Variants in GPR132 observed in about 807,000 individuals in gnomAD.
GPR132 encodes the protein G protein-coupled receptor 132.
GPR132 carries 4 observed loss-of-function variants against 1.9 expected under a neutral mutation model. The observed-to-expected ratio is 2.13, with a 90% CI of 1.05 to 4.87. The LOEUF (loss-of-function observed/expected upper bound fraction) is 4.87, where lower values mean the gene tolerates loss of function less well. Among genes scored for constraint, GPR132 ranks in the 30% most tolerant of loss-of-function variants. The pLI, the probability that GPR132 is intolerant of heterozygous loss-of-function variation, is 0.01. For synonymous variants in GPR132, 233 were observed against 234.2 expected (o/e 0.99, Z 0.05); for missense variants, 404 against 512.5 (o/e 0.79, Z 2.04).
chr14:105,054,934 G>A (rs1886748524), intron 3 of GPR132, among the ~76,000 whole-genome samples: 1 of 150,804 alleles, frequency 6.6e-6, no homozygotes, highest in Non-Finnish European at 1.5e-5. Flanking sequence ...CAGCTACTTG[G>A]GAGGCTGAGG....
intron 3 of GPR132, among the ~76,000 whole-genome samples, chr14:105,054,792 C>A (rs1886743735): frequency 6.6e-6 from 1 of 150,440 alleles, no homozygotes; most frequent in Non-Finnish European, 1.5e-5. Context: ...GTAATCCCAG[C>A]ACTTTGGGAG....
chr14:105,064,481 G>A (rs1394148428), intron 1 of GPR132, among the ~76,000 whole-genome samples: 3 of 152,124 alleles, frequency 2.0e-5, no homozygotes, highest in Non-Finnish European at 4.4e-5. Flanking sequence ...TTACAGACGT[G>A]TGCCAACACG....
intron 3 of GPR132, chr14:105,054,018 C>A (rs779261699): frequency 3.9e-6 from 5 of 1,285,438 alleles, no homozygotes; most frequent in Non-Finnish European, 5.1e-6. Context: ...AGTGGTGTGA[C>A]TTCCCCAAGC....
chr14:105,057,480 G>A (rs7147669), intron 1 of GPR132, 200 bp from the exon 2 acceptor site: 182,845 of 304,412 alleles, frequency 0.6, 60,761 homozygotes, highest in Non-Finnish European at 0.71. Context: ...GCATCAAAAC[G>A]TCACATTAGC....
In GPR132 at chr14:105,057,241, C is replaced by T. The variant is rs903251345; in HGVS notation, c.-821G>A. ...TCTAAGTACATGTCATGCGTCTTGT[C>T]GGTCCTATCAAGACGTTCACTCTGA... On this transcript the variant is annotated 5_prime_UTR_variant, in exon 2 of 4. Coordinates refer to ENST00000329797, the MANE Select transcript of GPR132 (RefSeq NM_013345.4). The T allele has an allele frequency of 2.9e-5, 34 of 1,160,998 alleles. 2 individuals are homozygous for T. Among genetic ancestry groups the T allele is most frequent in the Middle Eastern group, 3.8e-4 (2 of 5,280 alleles). The allele number at this position is 1,160,998 out of a possible 1,614,324, so 71.9% of individuals were successfully genotyped here. A position where few individuals can be genotyped will look rare whatever the true frequency, so the allele number is the denominator to read the frequency against.
chr14:105,062,648 C>A (rs1419077691), intron 1 of GPR132, among the ~76,000 whole-genome samples: 1 of 147,812 alleles, frequency 6.8e-6, no homozygotes, highest in Non-Finnish European at 1.5e-5. Context: ...TCAAGCAATT[C>A]TCCTGCCTCA....
At chr14:105,061,687 A>G (rs1886946862) in intron 1 of GPR132, among the ~76,000 whole-genome samples, 1 of 152,104 alleles carries the variant, frequency 6.6e-6, no homozygotes, top group Non-Finnish European at 1.5e-5. Flanking sequence ...TGGAAGGACA[A>G]GGCCAGGCAG....
chr14:105,058,749 G>A (rs1886865474), intron 1 of GPR132, among the ~76,000 whole-genome samples: 1 of 152,244 alleles, frequency 6.6e-6, no homozygotes, highest in Non-Finnish European at 1.5e-5. Context: ...GGCAGCAGAT[G>A]GCTCAGGGCA....
rs757410270 is a variant in GPR132 at position 105,055,442 on chromosome 14, G to A, written c.-22C>T. On this transcript the variant is annotated 5_prime_UTR_variant, in exon 3 of 4. Transcript: ENST00000329797. This position sits in a 1 kb window ranked among gnomAD's most constrained non-coding sequence, Gnocchi z 4.7. ...ACATTCACATTCTTCTGCAACCATC[G>A]CCAGCATCCGTCGGCAGAACCTTCT... 7.7e-5 allele frequency: 60 copies of A among 780,046 alleles called. No individual in the cohort carries two copies. Among genetic ancestry groups the A allele is most frequent in the South Asian group, 6.8e-4 (51 of 74,596 alleles). 48.3% of individuals were successfully genotyped at this position (780,046 alleles called of 1,614,324 possible).
Position 105,052,065 on chromosome 14 carries a change from G to A in GPR132, c.72C>T (p.Ala24=). Residue 24 remains alanine (A), a synonymous_variant, in exon 4 of 4, where the codon GCC becomes GCT. Transcript: ENST00000329797. ...AGGTCTTGGCGGAGAGGCCCAGGGAGGCCCACGGGGCAGTGGTGGTCACTG... is the reference window on the plus strand; with the variant it reads ...AGGTCTTGGCGGAGAGGCCCAGGGAAGCCCACGGGGCAGTGGTGGTCACTG... ...ATPVTTTAPW[A]SLGLSAKTCN... is the part of the protein sequence containing the mutation. 1 of 1,596,922 alleles carries A rather than the reference G, an allele frequency of 6.3e-7. No individual in the cohort carries two copies. The highest frequency in any genetic ancestry group is 8.5e-7 in the Non-Finnish European group (1 of 1,175,512).
At chr14:105,052,203 C>G in intron 3 of GPR132, 101 bp from the exon 4 acceptor site, 1 of 933,990 alleles carries the variant, frequency 1.1e-6, no homozygotes, top group Non-Finnish European at 1.6e-6. Flanking sequence ...GTAGCTCAGA[C>G]TAGACACACG....
At chr14:105,058,374 G>A (rs2140933663) in intron 1 of GPR132, among the ~76,000 whole-genome samples, 1 of 152,182 alleles carries the variant, frequency 6.6e-6, no homozygotes, top group South Asian at 2.1e-4. Context: ...AAAAAGAAAA[G>A]CTCCTAAAAT....
Position 105,051,826 on chromosome 14 carries a change from T to C in GPR132, c.311A>G (p.Asn104Ser), listed in dbSNP as rs937082118. Residue 104 changes from asparagine (N) to serine (S), a missense_variant, in exon 4 of 4, where the codon AAC (asparagine) becomes AGC (serine). Coordinates refer to ENST00000329797, the MANE Select transcript of GPR132 (RefSeq NM_013345.4). This position sits in a 1 kb window ranked among gnomAD's most constrained non-coding sequence, Gnocchi z 8.0. ...CAGGCCTAGGGTCCAGCGGTGCTGG[T>C]TGCGGATATAGATGACCCAGAGTGG... ...TLPLWVIYIR[N>S]QHRWTLGLLA... 34 of 1,614,074 alleles carry C rather than the reference T, an allele frequency of 2.1e-5. No individual in the cohort carries two copies. Among genetic ancestry groups the C allele is most frequent in the Non-Finnish European group, 2.6e-5 (31 of 1,180,020 alleles).
chr14:105,058,626 G>A (rs1031434349), intron 1 of GPR132, among the ~76,000 whole-genome samples: 6 of 152,230 alleles, frequency 3.9e-5, no homozygotes, highest in Non-Finnish European at 8.8e-5. Flanking sequence ...TTTTGACCTG[G>A]CTGATCCCCT....
chr14:105,051,288 C>G lies in GPR132; in HGVS notation c.849G>C (p.Glu283Asp). The G allele has an allele frequency of 6.2e-7, 1 of 1,614,006 alleles. No homozygotes were observed. Among genetic ancestry groups the G allele is most frequent in the South Asian group, 1.1e-5 (1 of 91,088 alleles). ...CCACAGAGGCTGTGTACAGCCTTTC[C>G]TCCAAGCCGCACATGGCGTTCCTGT... ...RGDRNAMCGL[E>D]ERLYTASVVF... is the part of the protein sequence containing the mutation. The change falls in exon 4 of 4, where the codon GAG becomes GAC. Residue 283 changes from glutamate to aspartate, a missense_variant. Transcript: ENST00000329797. The surrounding 1 kb of genome is among the most constrained non-coding windows in gnomAD (Gnocchi z 8.0).
At chr14:105,058,957 C>T (rs141129417) in intron 1 of GPR132, among the ~76,000 whole-genome samples, 82 of 152,366 alleles carry the variant, frequency 5.4e-4, no homozygotes, top group African/African-American at 1.9e-3. Flanking sequence ...CTGCTGTTTC[C>T]GGGCCCTGCA....
chr14:105,058,774 G>A (rs1456608411), intron 1 of GPR132, among the ~76,000 whole-genome samples: 3 of 152,228 alleles, frequency 2.0e-5, no homozygotes, highest in Admixed American at 6.5e-5. Context: ...GGGGGGTGGC[G>A]CAAGGCGCCC....
chr14:105,058,452 TA>T (rs1886857095), intron 1 of GPR132, among the ~76,000 whole-genome samples: 1 of 152,264 alleles, frequency 6.6e-6, no homozygotes, highest in South Asian at 2.1e-4. Flanking sequence ...GACAGTCTTT[TA>T]AAATCTTTTT....
chr14:105,051,195 A>G lies in GPR132; in HGVS notation c.942T>C (p.His314=), dbSNP rs765043439. The change falls in exon 4 of 4, where the codon CAT becomes CAC. Residue 314 remains histidine, a synonymous_variant. Transcript: ENST00000329797. The surrounding 1 kb of genome is among the most constrained non-coding windows in gnomAD (Gnocchi z 8.0). The part of the protein sequence containing the change: ...DPIIYVLATD[H]SRQEVSRIHK... ...GGATTCTGGACACTTCTTGGCGGGA[A>G]TGGTCCGTGGCCAGCACGTAGATAA... 1.2e-6 allele frequency: 2 copies of G among 1,613,980 alleles called. No individual in the cohort carries two copies. Among genetic ancestry groups the G allele is most frequent in the Non-Finnish European group, 1.7e-6 (2 of 1,179,998 alleles).
Sources: allele counts gnomAD v4.1 joint callset (sites outside exome capture counted in the v4.1 genomes callset), GRCh38; gene constraint gnomAD v4.1.1; non-coding constraint Gnocchi (gnomAD v3.1); transcripts MANE v1.5; gene names NCBI Gene and HGNC (gene_info 2026-07-23, HGNC 2026-07-21).